The following CEP164 variants were observed in gnomAD, a reference collection of about 807,000 sequenced individuals.
CEP164 encodes the protein centrosomal protein of 164 kDa.
Under a neutral mutation model 182.7 loss-of-function variants are expected in CEP164, and 162 were observed. The observed-to-expected ratio is 0.89, with a 90% CI of 0.78 to 1.01. The LOEUF is 1.01. Ranked by LOEUF, CEP164 falls within the 50% of genes least tolerant of loss-of-function variation. CEP164 has a pLI of 0.00. For missense variants in CEP164, 1,735 were observed against 1,790.4 expected (o/e 0.97, Z 0.56); for synonymous variants, 661 against 690.0 (o/e 0.96, Z 0.66).
intron 14 of CEP164, chr11:117,385,097 C>G (rs573939086): frequency 1.3e-5 from 2 of 152,358 alleles, no homozygotes; most frequent in South Asian, 4.1e-4. Context: ...CACAGTGTTT[C>G]TAGGTGCCAT....
intron 15 of CEP164, among the ~76,000 whole-genome samples, chr11:117,387,821 G>T (rs1449834214): frequency 6.6e-6 from 1 of 152,190 alleles, no homozygotes; most frequent in Non-Finnish European, 1.5e-5. Flanking sequence ...AAGAGTGGTA[G>T]AAAATTATTA....
intron 24 of CEP164, 99 bp from the exon 25 acceptor site, chr11:117,395,955 C>A: frequency 6.6e-7 from 1 of 1,520,884 alleles, no homozygotes; most frequent in Non-Finnish European, 9.0e-7. Context: ...GGGACTTTGA[C>A]GGATGGGAGT....
At chr11:117,344,112 G>T (rs2038537391) in intron 3 of CEP164, 54 bp from the exon 4 acceptor site, 2 of 1,020,666 alleles carry the variant, frequency 2.0e-6, no homozygotes, top group East Asian at 5.2e-5. Flanking sequence ...AAGATTGTGA[G>T]TTTTTTTCTT....
intron 1 of CEP164, among the ~76,000 whole-genome samples, chr11:117,332,528 A>G (rs887693593): frequency 6.6e-6 from 1 of 152,176 alleles, no homozygotes; most frequent in East Asian, 1.9e-4. Context: ...GTGAGCCGAG[A>G]TCGCACCATT....
At chr11:117,395,911 C>G (rs1238561348) in intron 24 of CEP164, 143 bp from the exon 25 acceptor site, 2 of 1,252,604 alleles carry the variant, frequency 1.6e-6, no homozygotes, top group Non-Finnish European at 2.2e-6. Flanking sequence ...CAGGGGATCT[C>G]TGGTGCTATT....
intron 9 of CEP164, 121 bp from the exon 10 acceptor site, chr11:117,373,630 T>C (rs566560671): frequency 3.2e-5 from 25 of 789,846 alleles, no homozygotes; most frequent in Admixed American, 6.5e-5. Context: ...TCAAGAAGAG[T>C]GGATTTCAGT....
intron 1 of CEP164, among the ~76,000 whole-genome samples, chr11:117,329,839 C>CTTTTTT (rs61429989): frequency 4.2e-5 from 4 of 95,574 alleles, no homozygotes; most frequent in African/African-American, 8.7e-5. Flanking sequence ...TGCGCCTGGC[C>CTTTTTT]TTTTTTTTTT....
intron 5 of CEP164, chr11:117,356,622 G>A (rs1224212193): frequency 4.7e-6 from 6 of 1,281,054 alleles, no homozygotes; most frequent in Non-Finnish European, 5.1e-6. Context: ...AACCAGGTAG[G>A]CTTCTTAGTG....
intron 27 of CEP164, among the ~76,000 whole-genome samples, chr11:117,406,802 C>G (rs2046731852): frequency 6.6e-6 from 1 of 152,154 alleles, no homozygotes; most frequent in African/African-American, 2.4e-5. Flanking sequence ...CCTTAGAAAT[C>G]TGATGGTGCT....
chr11:117,369,669 A>G (rs1397624964), intron 8 of CEP164, among the ~76,000 whole-genome samples: 1 of 151,782 alleles, frequency 6.6e-6, no homozygotes, highest in Non-Finnish European at 1.5e-5. Flanking sequence ...AAAATCCCTC[A>G]TTGGAAGTTA....
At chr11:117,328,813 G>A (rs1435718645) in intron 1 of CEP164, among the ~76,000 whole-genome samples, 1 of 152,206 alleles carries the variant, frequency 6.6e-6, no homozygotes, top group Non-Finnish European at 1.5e-5. Flanking sequence ...TGTAGTAGGT[G>A]GGGCTGCCTA....
At chr11:117,336,986 A>G (rs895350339) in intron 2 of CEP164, among the ~76,000 whole-genome samples, 1 of 151,954 alleles carries the variant, frequency 6.6e-6, no homozygotes, top group Non-Finnish European at 1.5e-5. Context: ...TAGGGGTGGG[A>G]AGAGAGGAGC....
chr11:117,407,457 CAAAAAAA>C (rs1232486465), intron 27 of CEP164, among the ~76,000 whole-genome samples: 865 of 69,010 alleles, frequency 0.013, 6 homozygotes, highest in African/African-American at 0.038. Context: ...TCTGTCTCTA[CAAAAAAA>C]AAAAAAAAAA....
chr11:117,341,328 G>C (rs927840023), intron 3 of CEP164, among the ~76,000 whole-genome samples: 10 of 152,120 alleles, frequency 6.6e-5, no homozygotes, highest in Non-Finnish European at 1.3e-4. Flanking sequence ...GATCATGTCA[G>C]GGCTGTGCTT....
intron 15 of CEP164, among the ~76,000 whole-genome samples, chr11:117,389,857 C>T (rs1299705247): frequency 1.3e-5 from 2 of 151,542 alleles, no homozygotes; most frequent in South Asian, 2.1e-4. Context: ...TGAGTGAGTG[C>T]CATGCTGAGG....
chr11:117,360,999 ATCTCGGGTCACTGCAACCTCCGCC>A (rs2040883707), intron 5 of CEP164, among the ~76,000 whole-genome samples: 1 of 136,528 alleles, frequency 7.3e-6, no homozygotes, highest in Non-Finnish European at 1.5e-5. Context: ...CAGTGGTGTG[ATCTCGGGTCACTGCAACCTCCGCC>A]TCCCGGGTTC....
At chr11:117,390,654 AAAAGATTTAGG>A in intron 15 of CEP164, 112 bp from the exon 16 acceptor site, 1 of 1,322,272 alleles carries the variant, frequency 7.6e-7, no homozygotes, top group Non-Finnish European at 1.0e-6. Context: ...AAAAAAAAAA[AAAAGATTTAGG>A]AAGTTTCTTA....
Position 117,397,252 on chromosome 11 carries a change from A to G in CEP164, c.3440A>G (p.Glu1147Gly). The change falls in exon 27 of 33, where the codon GAG becomes GGG. Residue 1147 changes from glutamate to glycine, a missense_variant. Coordinates refer to ENST00000278935, the MANE Select transcript of CEP164 (RefSeq NM_014956.5). ...CGCCATGAGCTGGCCAGTGCGCAGG[A>G]GGTGGCCAAAGACCCACCAGGCATC... is the stretch of plus-strand genomic sequence containing the variant. ...HWRHELASAQ[E>G]VAKDPPGIKA... The G allele has an allele frequency of 6.2e-7, 1 of 1,614,140 alleles. No homozygotes were observed. The highest frequency in any genetic ancestry group is 8.5e-7 in the Non-Finnish European group (1 of 1,180,032).
intron 11 of CEP164, 119 bp from the exon 12 acceptor site, chr11:117,380,495 C>G (rs983730162): frequency 7.9e-6 from 6 of 755,226 alleles, no homozygotes; most frequent in Admixed American, 2.2e-5. Flanking sequence ...CCCGTATGGT[C>G]CCATCTTCTG....
Sources: gnomAD v4.1 joint callset for allele counts (sites outside exome capture counted in the v4.1 genomes callset) on GRCh38, gnomAD v4.1.1 for gene constraint, MANE v1.5 for transcripts, NCBI Gene and HGNC (gene_info 2026-07-23, HGNC 2026-07-21) for gene names.